Variants in ANAPC4 observed in about 807,000 individuals in gnomAD.
The protein encoded by ANAPC4 is anaphase-promoting complex subunit 4.
ANAPC4 carries 63 observed loss-of-function variants against 119.8 expected under a neutral mutation model. The observed-to-expected ratio is 0.53, with a 90% CI of 0.43 to 0.65. ANAPC4 has a LOEUF of 0.65. Ranked by LOEUF, ANAPC4 falls within the 30% of genes least tolerant of loss-of-function variation. The probability of loss-of-function intolerance (pLI) is 0.00; values close to 1 mark genes in which losing one functional copy is unlikely to be tolerated. For synonymous variants in ANAPC4, 283 were observed against 318.6 expected (o/e 0.89, Z 1.19); for missense variants, 716 against 945.1 (o/e 0.76, Z 3.18).
chr4:25,402,172 C>T (rs1723015211), intron 16 of ANAPC4, among the ~76,000 whole-genome samples: 1 of 152,094 alleles, frequency 6.6e-6, no homozygotes, highest in African/African-American at 2.4e-5. Flanking sequence ...AGAGATGTTT[C>T]AGTCTTTTAT....
chr4:25,406,523 G>A (rs147156506), intron 18 of ANAPC4, among the ~76,000 whole-genome samples: 2,193 of 152,306 alleles, frequency 0.014, 31 homozygotes, highest in South Asian at 0.023. Context: ...TTCCAAAGGA[G>A]GGACCTCAGC....
chr4:25,394,077 C>T (rs900703936), intron 11 of ANAPC4, among the ~76,000 whole-genome samples, 186 bp downstream of exon 11: 5 of 152,176 alleles, frequency 3.3e-5, no homozygotes, highest in Non-Finnish European at 5.9e-5. Context: ...CCCATTGATA[C>T]AACTTAAGTG....
intron 14 of ANAPC4, chr4:25,395,187 A>G (rs1442717739): frequency 1.6e-5 from 4 of 255,188 alleles, no homozygotes; most frequent in East Asian, 7.9e-5. Flanking sequence ...AATAAGGCAT[A>G]TATCTTTTTT....
intron 21 of ANAPC4, chr4:25,412,977 A>G (rs1723657880): frequency 6.6e-6 from 1 of 152,162 alleles, no homozygotes; most frequent in Admixed American, 6.5e-5. Context: ...GAGGGTGGGC[A>G]TTAGAGTCAG....
chr4:25,412,855 T>C (rs1358704078), intron 21 of ANAPC4: 1 of 152,218 alleles, frequency 6.6e-6, no homozygotes, highest in Non-Finnish European at 1.5e-5. Flanking sequence ...TCAATGTTTT[T>C]CTGTGATAAC....
Position 25,406,889 on chromosome 4 carries a change from A to C in ANAPC4, c.1374+4A>C. 6.3e-7 allele frequency: 1 copy of C among 1,590,934 alleles called. No individual in the cohort carries two copies. The highest frequency in any genetic ancestry group is 8.6e-7 in the Non-Finnish European group (1 of 1,167,632). On this transcript the variant is annotated splice_donor_region_variant and intron_variant, in intron 19 of 28. Coordinates refer to ENST00000315368, the MANE Select transcript of ANAPC4 (RefSeq NM_013367.3). ...TCTTACTGAACATTTCAATGAGGTA[A>C]GAAGTTGATATTTCTGTAATGCAGT... is the stretch of plus-strand genomic sequence containing the variant.
At chr4:25,387,384 GGGAAGCCTGAAAGAATTGGAT>G (rs1327196994) in intron 4 of ANAPC4, among the ~76,000 whole-genome samples, 3 of 152,144 alleles carry the variant, frequency 2.0e-5, no homozygotes, top group South Asian at 2.1e-4. Flanking sequence ...GCTTTCCTAA[GGGAAGCCTGAAAGAATTGGAT>G]GACAAGGGTT....
intron 16 of ANAPC4, among the ~76,000 whole-genome samples, chr4:25,400,323 G>T (rs966973521): frequency 6.6e-6 from 1 of 152,050 alleles, no homozygotes; most frequent in Non-Finnish European, 1.5e-5. Flanking sequence ...GAAAGGGTTG[G>T]AAAAGCAGAG....
At chr4:25,403,824 C>CTGTCTTA (rs1313406527) in intron 17 of ANAPC4, among the ~76,000 whole-genome samples, 1 of 152,200 alleles carries the variant, frequency 6.6e-6, no homozygotes, top group Non-Finnish European at 1.5e-5. Context: ...AGAATGCAGA[C>CTGTCTTA]CACTTACAGC....
chr4:25,407,351 T>G, intron 20 of ANAPC4, 98 bp downstream of exon 20: 7 of 843,422 alleles, frequency 8.3e-6, no homozygotes, highest in Non-Finnish European at 1.2e-5. Context: ...ACAGGATCTC[T>G]GCCCTTTTAG....
At chr4:25,382,103 TA>T (rs1177204914) in intron 3 of ANAPC4, among the ~76,000 whole-genome samples, 5 of 124,210 alleles carry the variant, frequency 4.0e-5, no homozygotes, top group African/African-American at 1.5e-4. Context: ...CATTTTGTTG[TA>T]TAGCTTTTTC....
chr4:25,380,287 TAA>T, intron 2 of ANAPC4, 85 bp from the exon 3 acceptor site: 1 of 981,790 alleles, frequency 1.0e-6, no homozygotes, highest in Non-Finnish European at 1.5e-6. Flanking sequence ...GATGGTCATT[TAA>T]AAAAATTTTT....
chr4:25,394,401 G>A (rs1228513329), intron 12 of ANAPC4, 27 bp downstream of exon 12: 29 of 1,543,448 alleles, frequency 1.9e-5, no homozygotes, highest in Non-Finnish European at 2.3e-5. Context: ...AGGTGCTCCT[G>A]TTTTTGCTTC....
At chr4:25,413,800 G>C in intron 22 of ANAPC4, 58 bp downstream of exon 22, 1 of 1,259,140 alleles carries the variant, frequency 7.9e-7, no homozygotes, top group Non-Finnish European at 1.1e-6. Context: ...ACAGTATGTG[G>C]CTCACTTATG....
At chr4:25,377,366 C>A (rs1678731323) in intron 1 of ANAPC4, 22 bp downstream of exon 1, 1 of 1,599,120 alleles carries the variant, frequency 6.3e-7, no homozygotes, top group African/African-American at 1.3e-5. Flanking sequence ...GTCGGGGCTC[C>A]TCGTGGAGAG....
intron 16 of ANAPC4, 46 bp from the exon 17 acceptor site, chr4:25,402,925 C>G (rs751255445): frequency 1.8e-6 from 2 of 1,120,618 alleles, no homozygotes; most frequent in South Asian, 2.9e-5. Context: ...GTATGAATCC[C>G]CCACACACTA....
chr4:25,406,707 T>G, intron 18 of ANAPC4, 122 bp from the exon 19 acceptor site: 1 of 715,042 alleles, frequency 1.4e-6, no homozygotes, highest in Non-Finnish European at 2.3e-6. Context: ...GAAAGAACTT[T>G]GCCAGTTTTC....
intron 4 of ANAPC4, among the ~76,000 whole-genome samples, chr4:25,386,060 T>TG (rs1158295592): frequency 1.3e-5 from 2 of 152,078 alleles, no homozygotes; most frequent in Non-Finnish European, 2.9e-5. Context: ...ATTACAGACA[T>TG]GCGCCACCAC....
At chr4:25,389,586 C>T (rs2109118033) in intron 7 of ANAPC4, among the ~76,000 whole-genome samples, 1 of 152,344 alleles carries the variant, frequency 6.6e-6, no homozygotes, top group East Asian at 1.9e-4. Context: ...AGCCACCGCA[C>T]CTGGCCTTAT....
Sources: allele counts gnomAD v4.1 joint callset (sites outside exome capture counted in the v4.1 genomes callset), GRCh38; gene constraint gnomAD v4.1.1; transcripts MANE v1.5; gene names NCBI Gene and HGNC (gene_info 2026-07-23, HGNC 2026-07-21).